The following SKIC3 variants were observed in gnomAD, a reference collection of about 807,000 sequenced individuals.
SKIC3 encodes the protein superkiller complex protein 3.
the SKIC3 span, among the ~76,000 whole-genome samples, chr5:95,535,839 A>G: frequency 6.6e-6 from 1 of 152,192 alleles, no homozygotes; most frequent in Non-Finnish European, 1.5e-5. Flanking sequence ...TTTAGCAACA[A>G]AGTGAAAAAA....
At chr5:95,551,432 T>C in the SKIC3 span, among the ~76,000 whole-genome samples, 1 of 152,148 alleles carries the variant, frequency 6.6e-6, no homozygotes, top group Non-Finnish European at 1.5e-5. Flanking sequence ...AAAACACTCA[T>C]TAGTGATCTA....
chr5:95,482,913 A>C, the SKIC3 span, among the ~76,000 whole-genome samples: 1 of 152,182 alleles, frequency 6.6e-6, no homozygotes, highest in Non-Finnish European at 1.5e-5. Flanking sequence ...TGAAAAATTT[A>C]GGTTCTAAAT....
At chr5:95,551,891 G>A in the SKIC3 span, among the ~76,000 whole-genome samples, 7 of 152,114 alleles carry the variant, frequency 4.6e-5, no homozygotes, top group Admixed American at 1.3e-4. Context: ...TACTAATAAT[G>A]TCCTATCTAC....
the SKIC3 span, chr5:95,509,569 T>A: frequency 6.5e-7 from 1 of 1,534,366 alleles, no homozygotes; most frequent in Non-Finnish European, 9.0e-7. Flanking sequence ...TCCTCCTGCA[T>A]CTATCACAAT....
chr5:95,517,443 C>A, the SKIC3 span: 1 of 1,113,688 alleles, frequency 9.0e-7, no homozygotes. Flanking sequence ...CTCCTCCTAA[C>A]TGAATCATAT....
chr5:95,478,573 C>A, the SKIC3 span: 522 of 1,252,278 alleles, frequency 4.2e-4, 3 homozygotes, highest in South Asian at 4.4e-3. Context: ...GTTCTGTGCC[C>A]AAAAAACAAT....
chr5:95,475,671 T>C, the SKIC3 span, among the ~76,000 whole-genome samples: 1 of 152,218 alleles, frequency 6.6e-6, no homozygotes, highest in East Asian at 1.9e-4. Context: ...GTGGTATAAA[T>C]TGAGTATAGT....
At chr5:95,489,520 TAA>T in the SKIC3 span, among the ~76,000 whole-genome samples, 2,180 of 116,578 alleles carry the variant, frequency 0.019, 40 homozygotes, top group African/African-American at 0.044. Flanking sequence ...GGCAACCAGT[TAA>T]AAAAAAAAAA....
the SKIC3 span, among the ~76,000 whole-genome samples, chr5:95,483,946 G>A: frequency 6.6e-6 from 1 of 152,144 alleles, no homozygotes; most frequent in African/African-American, 2.4e-5. Context: ...AAACTGAAGG[G>A]ATACTGGAAA....
At chr5:95,506,763 T>A in the SKIC3 span, among the ~76,000 whole-genome samples, 1 of 152,154 alleles carries the variant, frequency 6.6e-6, no homozygotes, top group Non-Finnish European at 1.5e-5. Flanking sequence ...CACACTGGGG[T>A]TGGTTACCAT....
At chr5:95,473,563 A>C in the SKIC3 span, among the ~76,000 whole-genome samples, 1 of 152,238 alleles carries the variant, frequency 6.6e-6, no homozygotes. Context: ...GGCATAAGCC[A>C]CCACATCCAG....
At chr5:95,554,714 G>A in the SKIC3 span, among the ~76,000 whole-genome samples, 1 of 110,178 alleles carries the variant, frequency 9.1e-6, no homozygotes, top group Non-Finnish European at 1.8e-5. Flanking sequence ...CGGCGCACCT[G>A]AGGCGGTCCA....
the SKIC3 span, among the ~76,000 whole-genome samples, chr5:95,497,879 A>C: frequency 3.9e-5 from 6 of 152,136 alleles, no homozygotes; most frequent in South Asian, 6.2e-4. Flanking sequence ...CTAAAAAAAA[A>C]CCCAGCAAAG....
At chr5:95,517,143 T>C in the SKIC3 span, 1 of 1,613,440 alleles carries the variant, frequency 6.2e-7, no homozygotes, top group South Asian at 1.1e-5. Context: ...CTTTGCAAAT[T>C]ACCTTCCTCC....
At chr5:95,549,906 T>C in the SKIC3 span, among the ~76,000 whole-genome samples, 6 of 151,958 alleles carry the variant, frequency 3.9e-5, no homozygotes, top group Admixed American at 1.3e-4. Flanking sequence ...CGTAACCCCA[T>C]ACTCCTCTAT....
At chr5:95,476,323 C>G in the SKIC3 span, among the ~76,000 whole-genome samples, 2 of 152,164 alleles carry the variant, frequency 1.3e-5, no homozygotes, top group Non-Finnish European at 2.9e-5. Context: ...TATGCTACAG[C>G]AATCTATCTT....
chr5:95,537,294 T>C, the SKIC3 span, among the ~76,000 whole-genome samples: 1 of 152,166 alleles, frequency 6.6e-6, no homozygotes. Flanking sequence ...AAAATGTACA[T>C]GTAAGTTTTG....
chr5:95,483,758 T>G, the SKIC3 span, among the ~76,000 whole-genome samples: 2 of 152,182 alleles, frequency 1.3e-5, no homozygotes, highest in Non-Finnish European at 2.9e-5. Context: ...TAATTCATTC[T>G]TTCAGTAAAT....
chr5:95,527,928 T>C, the SKIC3 span: 2 of 1,489,640 alleles, frequency 1.3e-6, no homozygotes, highest in Non-Finnish European at 1.9e-6. Flanking sequence ...TCCATATAAG[T>C]AAATTTTGTG....
Sources: allele counts gnomAD v4.1 joint callset (sites outside exome capture counted in the v4.1 genomes callset), GRCh38; gene constraint gnomAD v4.1.1; transcripts MANE v1.5; gene names NCBI Gene and HGNC (gene_info 2026-07-23, HGNC 2026-07-21).